SUGCT: variants seen among roughly 807,000 people sequenced by gnomAD.
SUGCT encodes the protein succinyl-CoA:glutarate CoA-transferase.
Under a neutral mutation model 55.0 loss-of-function variants are expected in SUGCT, and 41 were observed. The ratio of observed to expected loss-of-function variants is 0.74; its 90% confidence interval spans 0.58 to 0.97. The LOEUF (loss-of-function observed/expected upper bound fraction) is 0.97. Among genes scored for constraint, SUGCT ranks in the 50% least tolerant of loss-of-function variants. The pLI, the probability that SUGCT is intolerant of heterozygous loss-of-function variation, is 0.00. For synonymous variants in SUGCT, 187 were observed against 200.4 expected, an observed-to-expected ratio of 0.93 and a Z score of 0.56; for missense variants, 568 against 547.8, an observed-to-expected ratio of 1.04 and a Z score of -0.37.
At chr7:40,998,786 C>A in the SUGCT span, among the ~76,000 whole-genome samples, 3 of 152,198 alleles carry the variant, frequency 2.0e-5, no homozygotes, top group Non-Finnish European at 2.9e-5. Context: ...GTCTTCCCAG[C>A]CAAAGCAAGT....
Position 40,148,447 on chromosome 7 carries a change from C to A in SUGCT, c.100+13327C>A, listed in dbSNP as rs574177211. 3.3e-5 allele frequency among the ~76,000 whole-genome samples: 5 copies of A among 152,126 alleles called. No individual in the cohort carries two copies. The South Asian group carries it at 8.3e-4, about 25-fold the overall frequency. ...ATCACCTGAGGTCGAGAGTTGGAGACCAGCCTGACCAACATGGAGAAACCT... is the reference window on the plus strand; with the variant it reads ...ATCACCTGAGGTCGAGAGTTGGAGAACAGCCTGACCAACATGGAGAAACCT... On this transcript the variant is annotated intron_variant, in intron 1 of 13. Transcript: ENST00000335693.
chr7:40,879,892 C>T, the SUGCT span, among the ~76,000 whole-genome samples: 4 of 152,160 alleles, frequency 2.6e-5, no homozygotes, highest in East Asian at 7.7e-4. Flanking sequence ...GCATAGCTGA[C>T]ATGGCTTAGC....
chr7:40,953,532 CTT>C, the SUGCT span, among the ~76,000 whole-genome samples: 1 of 152,168 alleles, frequency 6.6e-6, no homozygotes, highest in Non-Finnish European at 1.5e-5. Flanking sequence ...GGTCTTCTGA[CTT>C]TTAGAATTTT....
At chr7:40,425,694 C>T (rs1205401367) in intron 9 of SUGCT, among the ~76,000 whole-genome samples, 1 of 152,068 alleles carries the variant, frequency 6.6e-6, no homozygotes, top group Non-Finnish European at 1.5e-5. Flanking sequence ...AGAGACTGCC[C>T]TTGTGGAATT....
chr7:40,162,152 T>A (rs1475702505), intron 1 of SUGCT, among the ~76,000 whole-genome samples: 1 of 152,148 alleles, frequency 6.6e-6, no homozygotes, highest in Admixed American at 6.5e-5. Flanking sequence ...CGCCTCGGCC[T>A]CCCAAAGCTC....
chr7:40,525,129 A>G (rs74921267), intron 12 of SUGCT, among the ~76,000 whole-genome samples: 1 of 152,242 alleles, frequency 6.6e-6, no homozygotes, highest in African/African-American at 2.4e-5. Context: ...GCACTGATCT[A>G]TAATTAAATC....
At chr7:40,545,439 C>T (rs1260936906) in intron 12 of SUGCT, among the ~76,000 whole-genome samples, 1 of 152,152 alleles carries the variant, frequency 6.6e-6, no homozygotes, top group Non-Finnish European at 1.5e-5. Flanking sequence ...GGCTGTTTCT[C>T]CTTTGTCTAT....
At chr7:40,279,831 G>A (rs1792834825) in intron 8 of SUGCT, among the ~76,000 whole-genome samples, 1 of 151,906 alleles carries the variant, frequency 6.6e-6, no homozygotes, top group Admixed American at 6.6e-5. Context: ...AGCGTAACAG[G>A]AAACTTCACC....
intron 9 of SUGCT, among the ~76,000 whole-genome samples, chr7:40,400,639 G>C (rs1311525427): frequency 1.3e-5 from 2 of 152,164 alleles, no homozygotes; most frequent in East Asian, 3.9e-4. Flanking sequence ...TGTGACAGGA[G>C]CAGTGCATAA....
At chr7:40,186,118 C>T (rs1584284668) in intron 3 of SUGCT, among the ~76,000 whole-genome samples, 1 of 147,312 alleles carries the variant, frequency 6.8e-6, no homozygotes, top group Admixed American at 6.8e-5. Context: ...TTCCTTCCTT[C>T]CTTTCTTTCC....
chr7:40,979,253 A>G, the SUGCT span: 1 of 152,362 alleles, frequency 6.6e-6, no homozygotes, highest in East Asian at 1.9e-4. Flanking sequence ...ACATGAAAGA[A>G]GCAGGGTTCC....
At chr7:40,598,703 T>C (rs1344445826) in intron 12 of SUGCT, among the ~76,000 whole-genome samples, 1 of 152,134 alleles carries the variant, frequency 6.6e-6, no homozygotes, top group Non-Finnish European at 1.5e-5. Context: ...GCCATAACTG[T>C]AGGATATTAT....
chr7:40,303,452 T>C (rs568937307), intron 8 of SUGCT, among the ~76,000 whole-genome samples: 1 of 152,256 alleles, frequency 6.6e-6, no homozygotes, highest in South Asian at 2.1e-4. Context: ...GACTTGTGAT[T>C]CCATCCTTTA....
chr7:40,565,653 G>A (rs938448133), intron 12 of SUGCT, among the ~76,000 whole-genome samples: 5 of 152,070 alleles, frequency 3.3e-5, no homozygotes, highest in Non-Finnish European at 4.4e-5. Flanking sequence ...CATGATGAGC[G>A]TGAATTCCAG....
chr7:40,371,074 G>A (rs553959983), intron 9 of SUGCT, among the ~76,000 whole-genome samples: 1 of 152,158 alleles, frequency 6.6e-6, no homozygotes, highest in South Asian at 2.1e-4. Context: ...TTTCTTTCAT[G>A]CTAAATGTTT....
the SUGCT span, among the ~76,000 whole-genome samples, chr7:40,873,515 A>G: frequency 6.6e-6 from 1 of 152,212 alleles, no homozygotes; most frequent in African/African-American, 2.4e-5. Context: ...TTCCATGTCC[A>G]CAGCCACCAT....
chr7:40,907,096 AGTGTGTGTGTGTGT>A, the SUGCT span, among the ~76,000 whole-genome samples: 13 of 101,670 alleles, frequency 1.3e-4, no homozygotes, highest in Admixed American at 3.5e-4. Flanking sequence ...TTGTTCTGAT[AGTGTGTGTGTGTGT>A]GTGTGTGTGT....
At chr7:40,926,711 G>T in the SUGCT span, among the ~76,000 whole-genome samples, 4 of 152,136 alleles carry the variant, frequency 2.6e-5, no homozygotes, top group East Asian at 5.8e-4. Flanking sequence ...GCCAGCCTCA[G>T]CCAGGAAGGG....
intron 9 of SUGCT, among the ~76,000 whole-genome samples, chr7:40,376,989 CT>C (rs1297930416): frequency 1.3e-5 from 2 of 151,146 alleles, no homozygotes; most frequent in Non-Finnish European, 2.9e-5. Flanking sequence ...TTCTAATGGT[CT>C]TCATGGTTTT....
Sources: gnomAD v4.1 joint callset for allele counts (sites outside exome capture counted in the v4.1 genomes callset) on GRCh38, gnomAD v4.1.1 for gene constraint, MANE v1.5 for transcripts, NCBI Gene and HGNC (gene_info 2026-07-23, HGNC 2026-07-21) for gene names.